ITPRID1: variants seen among roughly 807,000 people sequenced by gnomAD.
The protein encoded by ITPRID1 is ITPR interacting domain containing 1, also known as protein ITPRID1.
In ITPRID1, 96 loss-of-function variants were observed where a neutral mutation model predicts 95.4. The observed-to-expected ratio is 1.01, with a 90% CI of 0.85 to 1.19. The LOEUF is 1.19. Among genes scored for constraint, ITPRID1 ranks in the 50% most tolerant of loss-of-function variants. ITPRID1 has a pLI of 0.00. For missense variants in ITPRID1, 1,339 were observed against 1,252.9 expected (o/e 1.07, Z -1.04); for synonymous variants, 510 against 453.6 (o/e 1.12, Z -1.58).
At position 31,517,093 on chromosome 7, in the gene ITPRID1, C is replaced by T. The variant is rs550869348; in HGVS notation, c.-98+2973C>T. ...GATTTATTGCAAAGAGCGAAAGAAACCACCATTCCCAGAGAACAAAGCAAA... is the reference window on the plus strand; with the variant it reads ...GATTTATTGCAAAGAGCGAAAGAAATCACCATTCCCAGAGAACAAAGCAAA... On this transcript the variant is annotated intron_variant, in intron 1 of 14. Coordinates refer to ENST00000615280, the MANE Select transcript of ITPRID1 (RefSeq NM_001257967.3). Among the ~76,000 whole-genome samples the T allele has an allele frequency of 3.9e-5, 6 of 152,290 alleles. No homozygotes were observed. The South Asian group carries it at 1.2e-3, about 32-fold the overall frequency.
intron 10 of ITPRID1, among the ~76,000 whole-genome samples, chr7:31,623,088 G>C (rs1788077248): frequency 6.6e-6 from 1 of 152,140 alleles, no homozygotes; most frequent in African/African-American, 2.4e-5. Context: ...CCAATAACAG[G>C]ATCTGAAATT....
chr7:31,634,331 GATA>G (rs1463015610), intron 10 of ITPRID1, among the ~76,000 whole-genome samples: 3 of 152,124 alleles, frequency 2.0e-5, no homozygotes, highest in Non-Finnish European at 4.4e-5. Flanking sequence ...AGTTATAACA[GATA>G]ATATTAATAA....
In ITPRID1 at chr7:31,560,119, G is replaced by A. The variant is rs183009398; in HGVS notation, c.256+5218G>A. Among the ~76,000 whole-genome samples the A allele has an allele frequency of 5.5e-3, 845 of 152,318 alleles. 14 individuals carry two copies. Among genetic ancestry groups the A allele is most frequent in the African/African-American group, 0.019 (797 of 41,582 alleles). ...CAGCAGCTACCTGAAAGAAGTGAAG[G>A]AGGGGAACATTTGTTATCTGGGGAT... On this transcript the variant is annotated intron_variant, in intron 5 of 14. Coordinates refer to ENST00000615280, the MANE Select transcript of ITPRID1 (RefSeq NM_001257967.3).
At chr7:31,547,256 T>G (rs1015944958) in intron 1 of ITPRID1, among the ~76,000 whole-genome samples, 2 of 152,214 alleles carry the variant, frequency 1.3e-5, no homozygotes, top group Admixed American at 6.5e-5. Flanking sequence ...TGAGATATAT[T>G]TTAATGGCTC....
At chr7:31,562,658 C>T (rs1784665076) in intron 5 of ITPRID1, among the ~76,000 whole-genome samples, 1 of 152,152 alleles carries the variant, frequency 6.6e-6, no homozygotes, top group Admixed American at 6.5e-5. Flanking sequence ...AAATATATGA[C>T]TCTTGTTCTC....
chr7:31,536,609 TC>T (rs1339579399), intron 1 of ITPRID1, among the ~76,000 whole-genome samples: 1 of 152,186 alleles, frequency 6.6e-6, no homozygotes, highest in East Asian at 1.9e-4. Context: ...TTTATGATCT[TC>T]AACAGGAACA....
In ITPRID1 at chr7:31,594,923, A is replaced by G. The variant is rs180994393; in HGVS notation, c.1228+11732A>G. ...TCAGTCTTTTACAGACCAAGCATAA[A>G]ATAATACAAGAGGATAAAAATATAT... On this transcript the variant is annotated intron_variant, in intron 10 of 14. Transcript: ENST00000615280. Among the ~76,000 whole-genome samples, 423 of 152,238 alleles carry G rather than the reference A, an allele frequency of 2.8e-3. 1 individual carries two copies. Among genetic ancestry groups the G allele is most frequent in the African/African-American group, 9.7e-3 (405 of 41,544 alleles).
chr7:31,638,055 A>G (rs1451561877), intron 10 of ITPRID1, among the ~76,000 whole-genome samples: 3 of 152,192 alleles, frequency 2.0e-5, no homozygotes, highest in Non-Finnish European at 2.9e-5. Flanking sequence ...GTTATTAAGC[A>G]GAGGGGCTCC....
chr7:31,549,383 G>T, intron 1 of ITPRID1, 43 bp from the exon 2 acceptor site: 1 of 1,309,998 alleles, frequency 7.6e-7, no homozygotes, highest in South Asian at 2.2e-5. Context: ...TTTTCTGTGA[G>T]ACAAATGATT....
intron 10 of ITPRID1, among the ~76,000 whole-genome samples, chr7:31,616,981 T>A (rs544049390): frequency 6.6e-6 from 1 of 152,294 alleles, no homozygotes; most frequent in East Asian, 1.9e-4. Context: ...TTCTGCAAAT[T>A]GCCTGTTGCT....
intron 10 of ITPRID1, among the ~76,000 whole-genome samples, chr7:31,603,790 C>T (rs1328691605): frequency 6.6e-6 from 1 of 152,150 alleles, no homozygotes; most frequent in African/African-American, 2.4e-5. Context: ...CACAATCGCC[C>T]AATTTTGCAT....
At chr7:31,612,511 GGTTT>G (rs533768299) in intron 10 of ITPRID1, among the ~76,000 whole-genome samples, 56 of 152,080 alleles carry the variant, frequency 3.7e-4, no homozygotes, top group Non-Finnish European at 5.7e-4. Flanking sequence ...TGTTGTTTCT[GGTTT>G]GTTTGTTTTA....
intron 1 of ITPRID1, among the ~76,000 whole-genome samples, chr7:31,514,718 T>G (rs1444606457): frequency 6.6e-6 from 1 of 152,186 alleles, no homozygotes; most frequent in Non-Finnish European, 1.5e-5. Flanking sequence ...ACTTCAACTT[T>G]AACAGATATA....
In ITPRID1 at chr7:31,643,570, T is replaced by A. The variant is rs759205132; in HGVS notation, c.2200T>A (p.Ser734Thr). The change falls in exon 12 of 15, where the codon TCT becomes ACT. Residue 734 changes from serine to threonine, a missense_variant. Transcript: ENST00000615280. ...CTTGGGGACTGGTCCCAGAGGAACA[T>A]CTTTAGAATGCACTGTGTGTGATCC... Reference protein sequence around the residue: ...VALGTGPRGTSLECTVCDPVT... With the variant: ...VALGTGPRGTTLECTVCDPVT... 1.1e-5 allele frequency: 17 copies of A among 1,613,992 alleles called. No individual in the cohort carries two copies. The South Asian group carries it at 1.5e-4, about 15-fold the overall frequency.
chr7:31,618,047 A>G (rs1049647597), intron 10 of ITPRID1, among the ~76,000 whole-genome samples: 2 of 152,196 alleles, frequency 1.3e-5, no homozygotes, highest in Admixed American at 1.3e-4. Context: ...TGGGATCCTA[A>G]AGAAGCCAAG....
At chr7:31,571,913 A>G (rs1481068073) in intron 6 of ITPRID1, among the ~76,000 whole-genome samples, 189 bp from the exon 7 acceptor site, 86 of 152,166 alleles carry the variant, frequency 5.7e-4, no homozygotes, top group Non-Finnish European at 2.9e-5. Flanking sequence ...CTTCTATAAT[A>G]CAACGCTCTT....
chr7:31,605,888 G>T (rs1191890528), intron 10 of ITPRID1, among the ~76,000 whole-genome samples: 1 of 152,120 alleles, frequency 6.6e-6, no homozygotes, highest in Non-Finnish European at 1.5e-5. Flanking sequence ...GCCGGCTTCT[G>T]GTGCCCATAC....
At chr7:31,550,637 G>C (rs954279682) in intron 2 of ITPRID1, among the ~76,000 whole-genome samples, 2 of 152,112 alleles carry the variant, frequency 1.3e-5, no homozygotes, top group African/African-American at 4.8e-5. Context: ...AACTGGGAAG[G>C]CATCCACTAA....
chr7:31,552,046 G>A (rs1784299572), intron 2 of ITPRID1: 3 of 339,672 alleles, frequency 8.8e-6, no homozygotes, highest in South Asian at 6.8e-5. Flanking sequence ...GTAAGAGAAT[G>A]GCCCTTGTTC....
Sources: gnomAD v4.1 joint callset for allele counts (sites outside exome capture counted in the v4.1 genomes callset) on GRCh38, gnomAD v4.1.1 for gene constraint, MANE v1.5 for transcripts, NCBI Gene and HGNC (gene_info 2026-07-23, HGNC 2026-07-21) for gene names.